Variants in SDCCAG8 observed in about 807,000 individuals in gnomAD.
SDCCAG8 encodes the protein SHH signaling and ciliogenesis regulator SDCCAG8, also known as serologically defined colon cancer antigen 8.
SDCCAG8 carries 74 observed loss-of-function variants against 101.8 expected under a neutral mutation model. The observed-to-expected ratio is 0.73, with a 90% CI of 0.60 to 0.88. The LOEUF (loss-of-function observed/expected upper bound fraction) is 0.88, where lower values mean the gene tolerates loss of function less well. SDCCAG8 is among the 40% of genes least tolerant of loss of function. SDCCAG8 has a pLI of 0.00. For missense variants in SDCCAG8, 787 were observed against 822.6 expected, an observed-to-expected ratio of 0.96 and a Z score of 0.53; for synonymous variants, 281 against 292.9, an observed-to-expected ratio of 0.96 and a Z score of 0.41.
intron 9 of SDCCAG8, among the ~76,000 whole-genome samples, chr1:243,319,276 C>T (rs997926626): frequency 1.3e-5 from 2 of 152,220 alleles, no homozygotes; most frequent in African/African-American, 2.4e-5. Flanking sequence ...AACCATATCA[C>T]ACTCCTCTTT....
intron 7 of SDCCAG8, chr1:243,307,786 G>C (rs1306642879): frequency 6.9e-7 from 1 of 1,442,402 alleles, no homozygotes; most frequent in Non-Finnish European, 9.0e-7. Context: ...ATTTATTCCA[G>C]TCTCATCATA....
chr1:243,470,037 GT>G (rs1351799847), intron 16 of SDCCAG8, among the ~76,000 whole-genome samples: 4 of 151,000 alleles, frequency 2.6e-5, no homozygotes, highest in African/African-American at 9.8e-5. Context: ...TATTTGCTTT[GT>G]TTTTTCACTG....
intron 12 of SDCCAG8, among the ~76,000 whole-genome samples, chr1:243,356,571 C>A (rs939266431): frequency 1.3e-5 from 2 of 151,938 alleles, no homozygotes; most frequent in Non-Finnish European, 2.9e-5. Context: ...CAAACATGAC[C>A]ACCTATCCAT....
At chr1:243,384,760 T>C (rs970237760) in intron 13 of SDCCAG8, among the ~76,000 whole-genome samples, 27 of 151,442 alleles carry the variant, frequency 1.8e-4, no homozygotes, top group Admixed American at 2.6e-4. Flanking sequence ...CTGGGTAACA[T>C]AGCATGACCG....
chr1:243,489,000 G>A lies in SDCCAG8; in HGVS notation c.1986-14G>A, dbSNP rs764175780. 4 of 1,613,300 alleles carry A rather than the reference G, an allele frequency of 2.5e-6. No individual in the cohort carries two copies. Among genetic ancestry groups the A allele is most frequent in the Non-Finnish European group, 3.4e-6 (4 of 1,180,036 alleles). On this transcript the variant is annotated splice_polypyrimidine_tract_variant and intron_variant, in intron 16 of 17. Coordinates refer to ENST00000366541, the MANE Select transcript of SDCCAG8 (RefSeq NM_006642.5). ...CGTTATCCCTCTTTAATTCTGCGGTGGATTTTTCTCCAGGCTAAGGCAGCT... is the reference window on the plus strand; with the variant it reads ...CGTTATCCCTCTTTAATTCTGCGGTAGATTTTTCTCCAGGCTAAGGCAGCT...
At chr1:243,301,993 A>G (rs2071557956) in intron 6 of SDCCAG8, among the ~76,000 whole-genome samples, 1 of 152,166 alleles carries the variant, frequency 6.6e-6, no homozygotes, top group Admixed American at 6.5e-5. Context: ...CACACTTGTA[A>G]TTCCAGCACT....
chr1:243,256,344 C>G, intron 1 of SDCCAG8, 104 bp downstream of exon 1: 4 of 886,570 alleles, frequency 4.5e-6, no homozygotes, highest in Non-Finnish European at 5.7e-6. Context: ...GCCCCGTCCA[C>G]GCTACAGAGG....
chr1:243,394,016 A>T (rs1228967414), intron 13 of SDCCAG8, among the ~76,000 whole-genome samples: 1 of 152,198 alleles, frequency 6.6e-6, no homozygotes, highest in Non-Finnish European at 1.5e-5. Context: ...GAGAAAACTG[A>T]CCTGTTAAAA....
At chr1:243,342,967 TG>T (rs2075467510) in intron 11 of SDCCAG8, among the ~76,000 whole-genome samples, 1 of 152,222 alleles carries the variant, frequency 6.6e-6, no homozygotes, top group Non-Finnish European at 1.5e-5. Flanking sequence ...TTTGTTTGTT[TG>T]GAGACAGGAT....
At chr1:243,282,576 T>A (rs1390540630) in intron 4 of SDCCAG8, among the ~76,000 whole-genome samples, 2 of 152,216 alleles carry the variant, frequency 1.3e-5, no homozygotes, top group Admixed American at 6.5e-5. Flanking sequence ...AGAACTTTTT[T>A]AAACATTTCT....
intron 6 of SDCCAG8, chr1:243,293,475 T>A: frequency 1.6e-6 from 1 of 607,506 alleles, no homozygotes; most frequent in Middle Eastern, 2.6e-4. Context: ...CAACCCCTGA[T>A]GACCTCTCTT....
At chr1:243,340,555 G>A (rs779228130) in intron 10 of SDCCAG8, among the ~76,000 whole-genome samples, 2 of 152,182 alleles carry the variant, frequency 1.3e-5, no homozygotes, top group Non-Finnish European at 2.9e-5. Flanking sequence ...ACTGCACAGA[G>A]CCTCTTCTTT....
At chr1:243,304,861 TTA>T (rs1343917637) in intron 7 of SDCCAG8, 84 bp downstream of exon 7, 9 of 873,716 alleles carry the variant, frequency 1.0e-5, no homozygotes, top group African/African-American at 1.0e-4. Flanking sequence ...ACTTCTAGTT[TTA>T]GTCATTATCA....
intron 16 of SDCCAG8, among the ~76,000 whole-genome samples, chr1:243,452,323 CT>C (rs1362884675): frequency 6.6e-6 from 1 of 151,992 alleles, no homozygotes; most frequent in African/African-American, 2.4e-5. Context: ...GTTACCTCCC[CT>C]AGTAACCCTT....
In SDCCAG8 at chr1:243,334,879, C is replaced by A. The variant is rs181006730; in HGVS notation, c.1221+4187C>A. On this transcript the variant is annotated intron_variant, in intron 10 of 17. Coordinates refer to ENST00000366541, the MANE Select transcript of SDCCAG8 (RefSeq NM_006642.5). ...CTAGGATTACAGGCGTGAGCCACTGCGCGTGGCCCAGAACTTTTCTTGGTA... is the reference window on the plus strand; with the variant it reads ...CTAGGATTACAGGCGTGAGCCACTGAGCGTGGCCCAGAACTTTTCTTGGTA... Among the ~76,000 whole-genome samples the A allele has an allele frequency of 3.3e-5, 5 of 152,272 alleles. No individual in the cohort carries two copies. The East Asian group carries it at 7.7e-4, about 23-fold the overall frequency.
At chr1:243,261,858 CT>C (rs371602212) in intron 1 of SDCCAG8, among the ~76,000 whole-genome samples, 3,548 of 136,274 alleles carry the variant, frequency 0.026, 113 homozygotes, top group African/African-American at 0.078. Flanking sequence ...TTTTCTTTTT[CT>C]TTTTTTTTTT....
intron 14 of SDCCAG8, 46 bp from the exon 15 acceptor site, chr1:243,417,922 C>A: frequency 1.4e-6 from 2 of 1,399,918 alleles, no homozygotes; most frequent in Non-Finnish European, 2.0e-6. Context: ...TGCAGAGCGA[C>A]AACCATAAAC....
intron 5 of SDCCAG8, among the ~76,000 whole-genome samples, chr1:243,289,322 G>C (rs146986841): frequency 1.3e-5 from 2 of 152,046 alleles, no homozygotes; most frequent in African/African-American, 4.8e-5. Flanking sequence ...CTTTATATTC[G>C]CTGGCAGCTG....
At chr1:243,354,571 G>A (rs796928261) in intron 12 of SDCCAG8, among the ~76,000 whole-genome samples, 8 of 152,340 alleles carry the variant, frequency 5.3e-5, no homozygotes, top group South Asian at 4.1e-4. Context: ...AGTATTGTGC[G>A]AGAGTAACCA....
Sources: gnomAD v4.1 joint callset for allele counts (sites outside exome capture counted in the v4.1 genomes callset) on GRCh38, gnomAD v4.1.1 for gene constraint, MANE v1.5 for transcripts, NCBI Gene and HGNC (gene_info 2026-07-23, HGNC 2026-07-21) for gene names.